LEPR: variants seen among roughly 807,000 people sequenced by gnomAD.
LEPR encodes leptin receptor, also known as OB receptor.
In LEPR, 56 loss-of-function variants were observed where a neutral mutation model predicts 114.7. The ratio of observed to expected loss-of-function variants is 0.49; its 90% CI spans 0.39 to 0.61. The LOEUF (loss-of-function observed/expected upper bound fraction) is 0.61. Among genes scored for constraint, LEPR ranks in the 20% least tolerant of loss-of-function variants. LEPR has a pLI of 0.00. For synonymous variants in LEPR, 443 were observed against 461.4 expected (o/e 0.96, Z 0.51); for missense variants, 1,202 against 1,352.9 (o/e 0.89, Z 1.75).
intron 2 of LEPR, among the ~76,000 whole-genome samples, chr1:65,506,225 CAA>C (rs1648720317): frequency 6.6e-6 from 1 of 152,144 alleles, no homozygotes; most frequent in South Asian, 2.1e-4. Context: ...AGTAGACACT[CAA>C]GTTACCGGGA....
chr1:65,521,192 T>G (rs1649617772), intron 2 of LEPR, among the ~76,000 whole-genome samples: 1 of 152,244 alleles, frequency 6.6e-6, no homozygotes, highest in Non-Finnish European at 1.5e-5. Flanking sequence ...TTTTTATATT[T>G]TATTTTCACA....
intron 5 of LEPR, among the ~76,000 whole-genome samples, chr1:65,573,969 G>A (rs561560591): frequency 7.7e-4 from 118 of 152,266 alleles, no homozygotes; most frequent in African/African-American, 2.8e-3. Context: ...TGTAAAAAAG[G>A]ATGAATGGTT....
intron 2 of LEPR, among the ~76,000 whole-genome samples, chr1:65,463,713 T>C (rs1646975103): frequency 2.6e-5 from 4 of 152,222 alleles, no homozygotes. Context: ...CAGTGATTTG[T>C]AGTTCTCCTT....
At chr1:65,472,080 T>G (rs1473683119) in intron 2 of LEPR, among the ~76,000 whole-genome samples, 1 of 152,168 alleles carries the variant, frequency 6.6e-6, no homozygotes, top group East Asian at 1.9e-4. Flanking sequence ...AGTAAAATTT[T>G]TTTTGGCCTT....
chr1:65,532,312 A>G (rs1462316552), intron 2 of LEPR, among the ~76,000 whole-genome samples: 1 of 152,210 alleles, frequency 6.6e-6, no homozygotes, highest in Non-Finnish European at 1.5e-5. Context: ...ACAATCTGGA[A>G]CATGGAACTT....
intron 19 of LEPR, among the ~76,000 whole-genome samples, chr1:65,623,838 C>G (rs1658032403): frequency 6.6e-6 from 1 of 152,148 alleles, no homozygotes; most frequent in African/African-American, 2.4e-5. Flanking sequence ...ATCAACCTAC[C>G]TATACGACTT....
intron 2 of LEPR, among the ~76,000 whole-genome samples, chr1:65,471,367 A>C (rs1343730134): frequency 6.6e-6 from 1 of 152,342 alleles, no homozygotes; most frequent in East Asian, 1.9e-4. Flanking sequence ...TCTTTAAGAC[A>C]AACTGATTGG....
At chr1:65,475,364 A>G (rs192283790) in intron 2 of LEPR, among the ~76,000 whole-genome samples, 1 of 152,300 alleles carries the variant, frequency 6.6e-6, no homozygotes, top group East Asian at 1.9e-4. Flanking sequence ...GAGCTTTCCC[A>G]TCTCCTGAAC....
At chr1:65,608,961 A>C in intron 12 of LEPR, 60 bp downstream of exon 12, 1 of 1,593,424 alleles carries the variant, frequency 6.3e-7, no homozygotes, top group Admixed American at 1.7e-5. Flanking sequence ...AATATGTAAG[A>C]GTTTAATTGC....
intron 2 of LEPR, among the ~76,000 whole-genome samples, chr1:65,549,428 A>G (rs1283967587): frequency 2.6e-5 from 4 of 152,042 alleles, no homozygotes; most frequent in African/African-American, 7.2e-5. Flanking sequence ...CCATTCTCCA[A>G]GTTGGTCACT....
intron 2 of LEPR, chr1:65,486,497 A>G (rs1375954427): frequency 6.6e-6 from 1 of 152,206 alleles, no homozygotes; most frequent in Non-Finnish European, 1.5e-5. Context: ...CACATATCAT[A>G]TGTAAGCAGG....
chr1:65,424,801 CTCT>C (rs1646326150), intron 1 of LEPR, among the ~76,000 whole-genome samples: 1 of 152,102 alleles, frequency 6.6e-6, no homozygotes, highest in Non-Finnish European at 1.5e-5. Context: ...TCTACTTTCT[CTCT>C]TCTTATAAGG....
At chr1:65,608,295 A>G (rs1223117958) in intron 11 of LEPR, among the ~76,000 whole-genome samples, 1 of 151,524 alleles carries the variant, frequency 6.6e-6, no homozygotes, top group African/African-American at 2.4e-5. Flanking sequence ...CAGTGGCGCA[A>G]TCTCGGCTCA....
intron 15 of LEPR, among the ~76,000 whole-genome samples, chr1:65,617,192 T>G (rs936139956): frequency 2.0e-5 from 3 of 151,998 alleles, no homozygotes; most frequent in Non-Finnish European, 4.4e-5. Flanking sequence ...CAGGTATTAA[T>G]GAAATAATCA....
At position 65,637,003 on chromosome 1, in the gene LEPR, CCTAA is replaced by C; in HGVS notation, c.3489_3492del (p.Thr1164CysfsTer13). 1 of 1,613,348 alleles carries C rather than the reference CCTAA, an allele frequency of 6.2e-7. No individual in the cohort carries two copies. The highest frequency in any genetic ancestry group is 8.5e-7 in the Non-Finnish European group (1 of 1,179,868). On this transcript the variant is annotated frameshift_variant, in exon 20 of 20. Transcript: ENST00000349533. LOFTEE classifies it high-confidence loss of function. ...AGATCATGGAAAACAAGATGTGTGA[CCTAA>C]CTGTGTAATTTCACTGAAGAAACCT...
At chr1:65,540,737 G>T (rs1003446303) in intron 2 of LEPR, among the ~76,000 whole-genome samples, 3 of 152,278 alleles carry the variant, frequency 2.0e-5, no homozygotes, top group African/African-American at 7.2e-5. Context: ...CTCTTTTGCT[G>T]CTGATCGCTC....
intron 2 of LEPR, among the ~76,000 whole-genome samples, chr1:65,546,780 C>T (rs1651769831): frequency 1.3e-5 from 2 of 152,170 alleles, no homozygotes; most frequent in Admixed American, 1.3e-4. Flanking sequence ...TTCCTGTTTT[C>T]CTAGTTGAAT....
intron 17 of LEPR, among the ~76,000 whole-genome samples, chr1:65,620,953 GA>G (rs1259283881): frequency 2.0e-5 from 3 of 152,108 alleles, no homozygotes; most frequent in Non-Finnish European, 4.4e-5. Context: ...GGTGGTTCAA[GA>G]AACAGCAAGG....
intron 17 of LEPR, 38 bp from the exon 18 acceptor site, chr1:65,621,315 C>A: frequency 6.4e-7 from 1 of 1,560,286 alleles, no homozygotes; most frequent in South Asian, 1.1e-5. Flanking sequence ...AATATTTCCT[C>A]AAGTTTCTGA....
Sources: allele counts gnomAD v4.1 joint callset (sites outside exome capture counted in the v4.1 genomes callset), GRCh38; gene constraint gnomAD v4.1.1; transcripts MANE v1.5; gene names NCBI Gene and HGNC (gene_info 2026-07-23, HGNC 2026-07-21).